The following KCTD8 variants were observed in gnomAD, a reference collection of about 807,000 sequenced individuals.
The protein encoded by KCTD8 is BTB/POZ domain-containing protein KCTD8.
Under a neutral mutation model 31.5 loss-of-function variants are expected in KCTD8, and 27 were observed. The observed-to-expected ratio is 0.86, with a 90% CI of 0.63 to 1.18. The LOEUF is 1.18. Among genes scored for constraint, KCTD8 ranks in the 50% most tolerant of loss-of-function variants. The probability of loss-of-function intolerance (pLI) is 0.00; values close to 1 mark genes in which losing one functional copy is unlikely to be tolerated. For missense variants in KCTD8, 658 were observed against 647.7 expected (o/e 1.02, Z -0.17); for synonymous variants, 290 against 280.0 (o/e 1.04, Z -0.36).
chr4:44,358,232 T>A (rs1297410355), intron 1 of KCTD8, among the ~76,000 whole-genome samples: 1 of 152,198 alleles, frequency 6.6e-6, no homozygotes, highest in African/African-American at 2.4e-5. Context: ...GAACTCATCC[T>A]TTTTTATGGC....
Position 44,190,319 on chromosome 4 carries a change from G to A in KCTD8, c.962-15069C>T, listed in dbSNP as rs1411940432. On this transcript the variant is annotated intron_variant, in intron 1 of 1. Coordinates refer to ENST00000360029, the MANE Select transcript of KCTD8 (RefSeq NM_198353.3). The stretch of plus-strand genomic sequence containing the variant: ...CACCCTTCATTCAAGTCAAATTGGA[G>A]AAATTAATATTAGCCTAAATATCAC... Among the ~76,000 whole-genome samples, 19 of 152,170 alleles carry A rather than the reference G, an allele frequency of 1.2e-4. 1 individual carries two copies. Among genetic ancestry groups the A allele is most frequent in the Admixed American group, 1.2e-3 (18 of 15,284 alleles).
At position 44,306,356 on chromosome 4, in the gene KCTD8, T is replaced by G. The variant is rs183712969; in HGVS notation, c.962-131106A>C. 1.1e-3 allele frequency among the ~76,000 whole-genome samples: 162 copies of G among 152,144 alleles called. 2 individuals carry two copies. Among genetic ancestry groups the G allele is most frequent in the African/African-American group, 3.8e-3 (159 of 41,530 alleles). Reference sequence around the variant, plus strand: ...GTATAATTATATCCTCACTTCATGTTAAATGACTTAACAAAGTTCACATGG... The same window carrying G: ...GTATAATTATATCCTCACTTCATGTGAAATGACTTAACAAAGTTCACATGG... On this transcript the variant is annotated intron_variant, in intron 1 of 1. Transcript: ENST00000360029.
chr4:44,316,883 CAGA>C (rs1448544777), intron 1 of KCTD8, among the ~76,000 whole-genome samples: 1 of 145,916 alleles, frequency 6.9e-6, no homozygotes, highest in Non-Finnish European at 1.5e-5. Context: ...GAGGCTGAGG[CAGA>C]AGAATGACAT....
At chr4:44,445,855 AG>A (rs1179765361) in intron 1 of KCTD8, among the ~76,000 whole-genome samples, 1 of 152,214 alleles carries the variant, frequency 6.6e-6, no homozygotes, top group African/African-American at 2.4e-5. Flanking sequence ...TTGTTGACAA[AG>A]GTCACAATGA....
At chr4:44,242,600 A>G (rs1715537532) in intron 1 of KCTD8, among the ~76,000 whole-genome samples, 1 of 151,682 alleles carries the variant, frequency 6.6e-6, no homozygotes, top group South Asian at 2.1e-4. Flanking sequence ...ACAAACAAAC[A>G]AACAAAACAA....
chr4:44,381,478 T>C (rs371775072), intron 1 of KCTD8, among the ~76,000 whole-genome samples: 20 of 152,174 alleles, frequency 1.3e-4, no homozygotes, highest in African/African-American at 4.6e-4. Flanking sequence ...AAAAAGATAT[T>C]CCATGCAAAC....
At chr4:44,445,827 G>T (rs1178411682) in intron 1 of KCTD8, among the ~76,000 whole-genome samples, 2 of 151,990 alleles carry the variant, frequency 1.3e-5, no homozygotes, top group African/African-American at 4.8e-5. Context: ...TGACTTAAAT[G>T]GTTTAAAATC....
intron 1 of KCTD8, among the ~76,000 whole-genome samples, chr4:44,438,469 G>A (rs764966386): frequency 1.3e-5 from 2 of 152,132 alleles, no homozygotes; most frequent in Non-Finnish European, 2.9e-5. Context: ...CCCAGAGTTT[G>A]AGACAATTTC....
In KCTD8 at chr4:44,327,964, T is replaced by C. The variant is rs181194953; in HGVS notation, c.961+119599A>G. 1.2e-3 allele frequency among the ~76,000 whole-genome samples: 188 copies of C among 152,046 alleles called. 2 individuals carry two copies. Among genetic ancestry groups the C allele is most frequent in the East Asian group, 1.5e-3 (8 of 5,186 alleles). ...TTAAAATACTAACTTCCAAAGCACA[T>C]TGAGGATTTACATACTCCTTGAAGC... On this transcript the variant is annotated intron_variant, in intron 1 of 1. Coordinates refer to ENST00000360029, the MANE Select transcript of KCTD8 (RefSeq NM_198353.3).
intron 1 of KCTD8, among the ~76,000 whole-genome samples, chr4:44,206,188 G>A (rs1714300274): frequency 6.6e-6 from 1 of 152,002 alleles, no homozygotes; most frequent in Non-Finnish European, 1.5e-5. Context: ...TCTCAGATTT[G>A]CTAACAAGTG....
intron 1 of KCTD8, among the ~76,000 whole-genome samples, chr4:44,182,388 G>A (rs193274496): frequency 6.6e-6 from 1 of 152,352 alleles, no homozygotes; most frequent in Non-Finnish European, 1.5e-5. Flanking sequence ...TCAGGTTGTT[G>A]CTGTGTCTGT....
Position 44,448,244 on chromosome 4 carries a change from G to C in KCTD8, c.280C>G (p.Arg94Gly), listed in dbSNP as rs1421779949. The change falls in exon 1 of 2, where the codon CGG (arginine) becomes GGG (glycine). Residue 94 changes from arginine (R) to glycine (G), a missense_variant. By Grantham distance (125) the Arg-to-Gly change is moderately radical. Transcript: ENST00000360029. This position sits in a 1 kb window ranked among gnomAD's most constrained non-coding sequence, Gnocchi z 4.1. ...TCCCGGTCGATGAAGAAGCGCGCCCGGCTGTCCCTGGGCAGCTCGCCCCGG... is the reference window on the plus strand; with the variant it reads ...TCCCGGTCGATGAAGAAGCGCGCCCCGCTGTCCCTGGGCAGCTCGCCCCGG... ...RRRGELPRDS[R>G]ARFFIDRDGF... 2 of 1,610,870 alleles carry C rather than the reference G, an allele frequency of 1.2e-6. No homozygotes were observed. Among genetic ancestry groups the C allele is most frequent in the Non-Finnish European group, 1.7e-6 (2 of 1,179,066 alleles).
intron 1 of KCTD8, among the ~76,000 whole-genome samples, chr4:44,383,961 C>G (rs12510416): frequency 0.55 from 82,866 of 151,768 alleles, 23,194 homozygotes; most frequent in East Asian, 0.74. Context: ...CAGAATTCAA[C>G]TCAACAGCAA....
chr4:44,237,523 A>G (rs1231890204), intron 1 of KCTD8, among the ~76,000 whole-genome samples: 1 of 152,194 alleles, frequency 6.6e-6, no homozygotes, highest in Admixed American at 6.5e-5. Context: ...GGTGACCTAC[A>G]TGTTAGCCAT....
At chr4:44,243,558 C>G (rs2109358104) in intron 1 of KCTD8, among the ~76,000 whole-genome samples, 1 of 152,276 alleles carries the variant, frequency 6.6e-6, no homozygotes, top group East Asian at 1.9e-4. Context: ...TTCTGGAATT[C>G]CAGTCATTGG....
At chr4:44,318,535 G>T (rs1657584298) in intron 1 of KCTD8, among the ~76,000 whole-genome samples, 1 of 152,172 alleles carries the variant, frequency 6.6e-6, no homozygotes, top group South Asian at 2.1e-4. Flanking sequence ...GCTAAATACT[G>T]CAGAGACTTC....
intron 1 of KCTD8, among the ~76,000 whole-genome samples, chr4:44,309,038 G>A (rs549239372): frequency 1.1e-4 from 16 of 151,926 alleles, no homozygotes; most frequent in African/African-American, 1.7e-4. Context: ...TCAAACTGAC[G>A]TTTATTTATT....
At chr4:44,446,356 T>C (rs752401451) in intron 1 of KCTD8, among the ~76,000 whole-genome samples, 43 of 152,246 alleles carry the variant, frequency 2.8e-4, no homozygotes, top group Non-Finnish European at 5.7e-4. Flanking sequence ...ATTTCAAGGC[T>C]ATTCTCCCTA....
At chr4:44,416,139 A>G (rs1468237468) in intron 1 of KCTD8, among the ~76,000 whole-genome samples, 2 of 152,228 alleles carry the variant, frequency 1.3e-5, no homozygotes, top group Admixed American at 6.5e-5. Context: ...TTCGAGCTAT[A>G]AGATTTAATG....
Sources: allele counts gnomAD v4.1 joint callset (sites outside exome capture counted in the v4.1 genomes callset), GRCh38; gene constraint gnomAD v4.1.1; non-coding constraint Gnocchi (gnomAD v3.1); transcripts MANE v1.5; gene names NCBI Gene and HGNC (gene_info 2026-07-23, HGNC 2026-07-21).